The following ACOT12 variants were observed in gnomAD, a reference collection of about 807,000 sequenced individuals.
ACOT12 encodes the protein acyl-CoA thioesterase 12, also known as acetyl-coenzyme A thioesterase.
A neutral mutation model predicts 67.7 loss-of-function variants in ACOT12; 51 were observed. The ratio of observed to expected loss-of-function variants is 0.75; its 90% confidence interval spans 0.60 to 0.95. The LOEUF is 0.95. Among genes scored for constraint, ACOT12 ranks in the 40% least tolerant of loss-of-function variants. The pLI is 0.00. For synonymous variants in ACOT12, 251 were observed against 244.6 expected, an observed-to-expected ratio of 1.03 and a Z score of -0.24; for missense variants, 734 against 708.1, an observed-to-expected ratio of 1.04 and a Z score of -0.41.
intron 1 of ACOT12, among the ~76,000 whole-genome samples, chr5:81,387,010 T>C (rs1156950598): frequency 2.9e-5 from 3 of 103,764 alleles, no homozygotes; most frequent in African/African-American, 8.7e-5. Context: ...TTTTTTTTTT[T>C]TTTTTTTTCT....
Position 81,356,403 on chromosome 5 carries a change from G to A in ACOT12, c.496+3500C>T, listed in dbSNP as rs138704726. On this transcript the variant is annotated intron_variant, in intron 5 of 14. Coordinates refer to ENST00000307624, the MANE Select transcript of ACOT12 (RefSeq NM_130767.3). ...TTAGTCCCTCCAGGTCTCCTTAGTA[G>A]GTTTGTCTTTCTGGATCCTCTCTTA... Among the ~76,000 whole-genome samples the A allele has an allele frequency of 1.9e-3, 286 of 152,216 alleles. 2 individuals carry two copies. Among genetic ancestry groups the A allele is most frequent in the African/African-American group, 6.5e-3 (272 of 41,530 alleles).
chr5:81,360,232 C>T (rs896869963), intron 4 of ACOT12, among the ~76,000 whole-genome samples, 194 bp from the exon 5 acceptor site: 16 of 152,032 alleles, frequency 1.1e-4, no homozygotes, highest in South Asian at 4.1e-4. Context: ...TCAACATAGG[C>T]GTAATTATTT....
intron 11 of ACOT12, among the ~76,000 whole-genome samples, chr5:81,340,587 C>A (rs1400236536): frequency 6.6e-6 from 1 of 152,050 alleles, no homozygotes; most frequent in Non-Finnish European, 1.5e-5. Context: ...GTCTTGAACC[C>A]CTGACCTTGT....
chr5:81,363,675 G>A, intron 4 of ACOT12, 113 bp downstream of exon 4: 1 of 643,686 alleles, frequency 1.6e-6, no homozygotes. Flanking sequence ...CAAATCTTGG[G>A]GAAGTATATC....
chr5:81,311,463 T>TG, the ACOT12 span, among the ~76,000 whole-genome samples: 14 of 152,144 alleles, frequency 9.2e-5, no homozygotes, highest in African/African-American at 3.1e-4. Context: ...ACTGAATAGT[T>TG]GGGGGAAAAA....
chr5:81,372,411 C>G (rs1760283141), intron 2 of ACOT12, among the ~76,000 whole-genome samples: 1 of 152,166 alleles, frequency 6.6e-6, no homozygotes, highest in African/African-American at 2.4e-5. Context: ...AATAGAAGCC[C>G]CCTGGATTTT....
intron 8 of ACOT12, among the ~76,000 whole-genome samples, chr5:81,344,551 G>A (rs1759312065): frequency 6.6e-6 from 1 of 152,238 alleles, no homozygotes; most frequent in African/African-American, 2.4e-5. Context: ...ATGAGGGAAA[G>A]ATATGGTTTC....
At chr5:81,363,995 G>A (rs1199437072) in intron 3 of ACOT12, 106 bp from the exon 4 acceptor site, 1 of 581,092 alleles carries the variant, frequency 1.7e-6, no homozygotes, top group East Asian at 3.4e-5. Flanking sequence ...TTTTAAAAAT[G>A]AAACCAGAAT....
chr5:81,344,991 T>A lies in ACOT12; in HGVS notation c.824A>T (p.Glu275Val), dbSNP rs1561328162. 11 of 1,614,200 alleles carry A rather than the reference T, an allele frequency of 6.8e-6. No individual in the cohort carries two copies. Among genetic ancestry groups the A allele is most frequent in the Non-Finnish European group, 9.3e-6 (11 of 1,180,028 alleles). ...ACTGTTGATGTGACGCCCTCGGCCC[T>A]CGGCCCATTCCTGACAGTCAAAGGC... Reference protein sequence around the residue: ...VEAFDCQEWAEGRGRHINSAF... With the variant: ...VEAFDCQEWAVGRGRHINSAF... The change falls in exon 8 of 15, where the codon GAG becomes GTG. Residue 275 changes from glutamate to valine, a missense_variant. Transcript: ENST00000307624.
chr5:81,374,969 C>T (rs1244836733), intron 2 of ACOT12, among the ~76,000 whole-genome samples: 1 of 152,144 alleles, frequency 6.6e-6, no homozygotes, highest in Non-Finnish European at 1.5e-5. Flanking sequence ...GGCCAACACT[C>T]AAATTCAGGA....
chr5:81,381,494 T>C (rs13357762), intron 2 of ACOT12, among the ~76,000 whole-genome samples: 41,737 of 151,944 alleles, frequency 0.27, 9,390 homozygotes, highest in African/African-American at 0.62. Context: ...ATATTTTATA[T>C]ACTATATATA....
At chr5:81,385,531 A>G (rs1263585361) in intron 2 of ACOT12, among the ~76,000 whole-genome samples, 1 of 152,200 alleles carries the variant, frequency 6.6e-6, no homozygotes, top group Non-Finnish European at 1.5e-5. Flanking sequence ...TAAGGCTGAG[A>G]GCTATTTCTC....
chr5:81,321,546 AAAAC>A, the ACOT12 span, among the ~76,000 whole-genome samples: 162 of 152,370 alleles, frequency 1.1e-3, 2 homozygotes, highest in African/African-American at 3.2e-3. Flanking sequence ...ATTGTTTAAA[AAAAC>A]AAACAAACAA....
the ACOT12 span, among the ~76,000 whole-genome samples, chr5:81,321,539 G>A: frequency 6.6e-6 from 1 of 152,056 alleles, no homozygotes; most frequent in Non-Finnish European, 1.5e-5. Flanking sequence ...ATAGGAGATT[G>A]TTTAAAAAAA....
At chr5:81,316,315 C>T in the ACOT12 span, among the ~76,000 whole-genome samples, 1 of 152,202 alleles carries the variant, frequency 6.6e-6, no homozygotes, top group African/African-American at 2.4e-5. Context: ...CCTATCCCTT[C>T]CTTCCCCCAG....
intron 5 of ACOT12, among the ~76,000 whole-genome samples, chr5:81,356,973 A>G (rs6452402): frequency 0.2 from 29,626 of 151,368 alleles, 3,367 homozygotes; most frequent in African/African-American, 0.31. Flanking sequence ...AAGCCTCTCG[A>G]CATGGCCCAG....
At chr5:81,332,019 T>C (rs1393097715) in intron 13 of ACOT12, among the ~76,000 whole-genome samples, 4 of 152,222 alleles carry the variant, frequency 2.6e-5, no homozygotes, top group Non-Finnish European at 5.9e-5. Flanking sequence ...ACAGTTTCTC[T>C]TAGAAGCTAG....
At chr5:81,344,269 T>A in intron 8 of ACOT12, 54 bp from the exon 9 acceptor site, 1 of 1,535,526 alleles carries the variant, frequency 6.5e-7, no homozygotes, top group Admixed American at 1.8e-5. Flanking sequence ...ATCTACTATC[T>A]TAGTGCTATA....
chr5:81,330,221 C>T lies in ACOT12; in HGVS notation c.*173G>A. The stretch of plus-strand genomic sequence containing the variant: ...ATTCTAAAGCTCTTTTAATGCTAAT[C>T]CAAATCACTGGTATTTGACTTAAGA... On this transcript the variant is annotated 3_prime_UTR_variant, in exon 15 of 15. Coordinates refer to ENST00000307624, the MANE Select transcript of ACOT12 (RefSeq NM_130767.3). The T allele has an allele frequency of 3.1e-6, 2 of 653,434 alleles. No individual in the cohort carries two copies. The highest frequency in any genetic ancestry group is 4.9e-6 in the Non-Finnish European group (2 of 411,906). The allele number at this position is 653,434 out of a possible 1,614,324, so 40.5% of individuals were successfully genotyped here.
Sources: allele counts gnomAD v4.1 joint callset (sites outside exome capture counted in the v4.1 genomes callset), GRCh38; gene constraint gnomAD v4.1.1; transcripts MANE v1.5; gene names NCBI Gene and HGNC (gene_info 2026-07-23, HGNC 2026-07-21).